Variants in SPDL1 observed in about 807,000 individuals in gnomAD.
SPDL1 encodes protein Spindly.
SPDL1 carries 85 observed loss-of-function variants against 79.5 expected under a neutral mutation model. The ratio of observed to expected loss-of-function variants is 1.07; its 90% CI spans 0.90 to 1.28. SPDL1 has a LOEUF of 1.28. SPDL1 is among the 50% of genes most tolerant of loss of function. SPDL1 has a pLI of 0.00. For synonymous variants in SPDL1, 269 were observed against 240.3 expected (o/e 1.12, Z -1.10); for missense variants, 703 against 697.8 (o/e 1.01, Z -0.08).
At chr5:169,588,725 A>T in intron 2 of SPDL1, 150 bp downstream of exon 2, 1 of 576,964 alleles carries the variant, frequency 1.7e-6, no homozygotes, top group Middle Eastern at 4.2e-4. Context: ...AAAAGAATGA[A>T]CTAAATGAAT....
intron 2 of SPDL1, among the ~76,000 whole-genome samples, chr5:169,589,697 TTTC>T (rs1755173280): frequency 6.6e-6 from 1 of 152,020 alleles, no homozygotes; most frequent in South Asian, 2.1e-4. Flanking sequence ...TCACTTTTTT[TTTC>T]TTTTTTCTTT....
Position 169,604,319 on chromosome 5 carries a change from AG to A in SPDL1, c.*114del. The A allele has an allele frequency of 9.0e-7, 1 of 1,112,490 alleles. No individual in the cohort carries two copies. Among genetic ancestry groups the A allele is most frequent in the Non-Finnish European group, 1.2e-6 (1 of 823,454 alleles). 68.9% of individuals were successfully genotyped at this position (1,112,490 alleles called of 1,614,324 possible). A position where few individuals can be genotyped will look rare whatever the true frequency, so the allele number is the denominator to read the frequency against. ...TTCTGGGTTATTTACTCATTGTGCC[AG>A]GACCTGGCATTTTCATGTGCCTTTG... On this transcript the variant is annotated 3_prime_UTR_variant, in exon 12 of 12. Transcript: ENST00000265295.
intron 8 of SPDL1, among the ~76,000 whole-genome samples, chr5:169,597,599 C>T (rs576005736): frequency 3.3e-5 from 5 of 152,036 alleles, no homozygotes; most frequent in Non-Finnish European, 7.4e-5. Flanking sequence ...CCAAAAAAAG[C>T]TTGTTGGCTT....
rs541201202 is a variant in SPDL1, at chr5:169,601,922, G to A, written c.1670+297G>A. 3.2e-5 allele frequency: 13 copies of A among 408,392 alleles called. No individual in the cohort carries two copies. In the East Asian group the frequency reaches 6.3e-4, roughly 20 times the overall value. 25.3% of individuals were successfully genotyped at this position (408,392 alleles called of 1,614,324 possible). Reference sequence around the variant, plus strand: ...GAATGTTTTATCAGTTTGAATACATGTACTGTTATTTTTCTCCTGGTTCAA... The same window carrying A: ...GAATGTTTTATCAGTTTGAATACATATACTGTTATTTTTCTCCTGGTTCAA... On this transcript the variant is annotated intron_variant, in intron 11 of 11. Transcript: ENST00000265295.
intron 4 of SPDL1, 36 bp downstream of exon 4, chr5:169,593,584 C>CA: frequency 6.9e-7 from 1 of 1,444,624 alleles, no homozygotes; most frequent in Non-Finnish European, 9.2e-7. Flanking sequence ...AGGGTTTTCT[C>CA]TTTTTTTTTC....
intron 4 of SPDL1, 129 bp from the exon 5 acceptor site, chr5:169,594,016 T>C (rs2113355262): frequency 2.9e-6 from 2 of 681,000 alleles, no homozygotes; most frequent in South Asian, 2.5e-5. Flanking sequence ...TTTTAGAATG[T>C]ACCTGACAAC....
At chr5:169,585,582 A>G (rs1275293287) in intron 1 of SPDL1, among the ~76,000 whole-genome samples, 1 of 152,252 alleles carries the variant, frequency 6.6e-6, no homozygotes, top group Non-Finnish European at 1.5e-5. Flanking sequence ...TGAAGCAGTT[A>G]GCATGGCAAA....
Position 169,596,595 on chromosome 5 carries a change from C to A in SPDL1, c.926C>A (p.Ser309Tyr). The part of the protein sequence containing the change: ...QIATLLQMKG[S>Y]QTEFEQQERL... Reference sequence around the variant, plus strand: ...GCCACGTTGCTACAGATGAAAGGGTCTCAAACTGAATTTGAGCAGCAGGAA... The same window carrying A: ...GCCACGTTGCTACAGATGAAAGGGTATCAAACTGAATTTGAGCAGCAGGAA... Residue 309 changes from serine to tyrosine, a missense_variant, in exon 8 of 12, where the codon TCT becomes TAT. Physicochemically the swap from Ser to Tyr is moderately radical, Grantham distance 144 (BLOSUM62 -2). Transcript: ENST00000265295. The A allele has an allele frequency of 6.2e-7, 1 of 1,611,780 alleles. No individual in the cohort carries two copies.
At chr5:169,599,192 AT>A in intron 10 of SPDL1, 33 bp downstream of exon 10, 1 of 1,262,298 alleles carries the variant, frequency 7.9e-7, no homozygotes, top group African/African-American at 1.5e-5. Context: ...TGTCTTTTAA[AT>A]TATGAGTAAC....
chr5:169,588,372 GT>G, intron 1 of SPDL1, 21 bp from the exon 2 acceptor site: 1 of 1,541,066 alleles, frequency 6.5e-7, no homozygotes, highest in Non-Finnish European at 8.8e-7. Flanking sequence ...AGCTTAAGTA[GT>G]TTTATTTCCT....
At position 169,593,437 on chromosome 5, in the gene SPDL1, C is replaced by A. The variant is rs759684856; in HGVS notation, c.420C>A (p.Leu140=). Residue 140 remains leucine (L), a synonymous_variant, in exon 4 of 12, where the codon CTC becomes CTA. Coordinates refer to ENST00000265295, the MANE Select transcript of SPDL1 (RefSeq NM_017785.5). ...ACCAAGTAGATCATCAGAAGGAACT[C>A]CTCTCTTGTAAATCAGAGGAACTGC... The part of the protein sequence containing the change: ...LKHQVDHQKE[L]LSCKSEELRV... The A allele has an allele frequency of 1.2e-6, 2 of 1,613,886 alleles. No homozygotes were observed. Among genetic ancestry groups the A allele is most frequent in the South Asian group, 1.1e-5 (1 of 91,068 alleles).
chr5:169,601,885 T>G, intron 11 of SPDL1: 1 of 534,024 alleles, frequency 1.9e-6, no homozygotes, highest in South Asian at 2.0e-5. Context: ...TATCACAGTT[T>G]AACACATCTC....
chr5:169,592,416 C>G (rs1755342593), intron 3 of SPDL1, among the ~76,000 whole-genome samples: 1 of 151,962 alleles, frequency 6.6e-6, no homozygotes, highest in Non-Finnish European at 1.5e-5. Flanking sequence ...AGGGTTTCAC[C>G]ATGTTGGTCA....
chr5:169,593,886 T>G (rs1211360550), intron 4 of SPDL1, among the ~76,000 whole-genome samples: 1 of 152,216 alleles, frequency 6.6e-6, no homozygotes, highest in Non-Finnish European at 1.5e-5. Flanking sequence ...ACTTGGTTTT[T>G]TCATTGAAAG....
In SPDL1 at chr5:169,601,649, G is replaced by A. The variant is rs576935827; in HGVS notation, c.1670+24G>A. The stretch of plus-strand genomic sequence containing the variant: ...AGGTCAGTGTCCTCTTTTCCTCCAG[G>A]CAGCCAGCAGACCTCTCCATCTCTC... On this transcript the variant is annotated intron_variant, in intron 11 of 11. Transcript: ENST00000265295. 2.7e-5 allele frequency: 43 copies of A among 1,598,440 alleles called. No individual in the cohort carries two copies. The South Asian group carries it at 4.4e-4, about 16-fold the overall frequency.
Position 169,596,545 on chromosome 5 carries a change from A to G in SPDL1, c.892-16A>G, listed in dbSNP as rs1337219985. 1 of 1,598,602 alleles carries G rather than the reference A, an allele frequency of 6.3e-7. No individual in the cohort carries two copies. Among genetic ancestry groups the G allele is most frequent in the Non-Finnish European group, 8.5e-7 (1 of 1,172,164 alleles). ...CTCACTTAATTTTATTAGAGGGGGT[A>G]ATTTTATTTTTCTAGTTACAAATTG... is the stretch of plus-strand genomic sequence containing the variant. On this transcript the variant is annotated splice_polypyrimidine_tract_variant and intron_variant, in intron 7 of 11. Coordinates refer to ENST00000265295, the MANE Select transcript of SPDL1 (RefSeq NM_017785.5).
chr5:169,599,810 C>T (rs1395921036), intron 10 of SPDL1, among the ~76,000 whole-genome samples: 2 of 152,130 alleles, frequency 1.3e-5, no homozygotes, highest in Non-Finnish European at 2.9e-5. Context: ...GGCGTGGTGG[C>T]TCGTGCCTGT....
intron 2 of SPDL1, among the ~76,000 whole-genome samples, chr5:169,589,838 G>T (rs892147428): frequency 7.2e-5 from 11 of 151,992 alleles, no homozygotes; most frequent in Non-Finnish European, 1.2e-4. Flanking sequence ...AGTAGCTCGG[G>T]GTTACAGATG....
intron 1 of SPDL1, 128 bp from the exon 2 acceptor site, chr5:169,588,266 A>T: frequency 5.1e-6 from 3 of 583,734 alleles, no homozygotes; most frequent in Non-Finnish European, 5.7e-6. Flanking sequence ...ACTACTTATT[A>T]GTCAGGAAGA....
Sources: gnomAD v4.1 joint callset for allele counts (sites outside exome capture counted in the v4.1 genomes callset) on GRCh38, gnomAD v4.1.1 for gene constraint, MANE v1.5 for transcripts, NCBI Gene and HGNC (gene_info 2026-07-23, HGNC 2026-07-21) for gene names.